Variants in FASLG observed in about 807,000 individuals in gnomAD.
The protein encoded by FASLG is Fas ligand.
FASLG carries 9 observed loss-of-function variants against 24.6 expected under a neutral mutation model. The ratio of observed to expected loss-of-function variants is 0.37; its 90% CI spans 0.22 to 0.64. FASLG has a LOEUF of 0.64. Among genes scored for constraint, FASLG ranks in the 30% least tolerant of loss-of-function variants. The pLI, the probability that FASLG is intolerant of heterozygous loss-of-function variation, is 0.64. For missense variants in FASLG, 306 were observed against 345.3 expected (o/e 0.89, Z 0.90); for synonymous variants, 130 against 135.5 (o/e 0.96, Z 0.28).
chr1:172,662,310 A>G (rs1397830242), intron 2 of FASLG, among the ~76,000 whole-genome samples: 1 of 152,130 alleles, frequency 6.6e-6, no homozygotes, highest in Non-Finnish European at 1.5e-5. Context: ...ACTATTATAG[A>G]TTATTTATAC....
chr1:172,665,517 G>A, intron 3 of FASLG, 105 bp from the exon 4 acceptor site: 1 of 1,315,416 alleles, frequency 7.6e-7, no homozygotes. Flanking sequence ...TGTCATTCTG[G>A]GTGAAACATT....
chr1:172,661,130 T>C (rs949122968), intron 2 of FASLG, among the ~76,000 whole-genome samples: 9 of 152,148 alleles, frequency 5.9e-5, no homozygotes, highest in African/African-American at 2.2e-4. Context: ...TGGTGCCTCA[T>C]GAAGGAGGGA....
intron 2 of FASLG, among the ~76,000 whole-genome samples, chr1:172,662,476 G>A (rs984809261): frequency 1.2e-4 from 18 of 152,298 alleles, no homozygotes; most frequent in Admixed American, 4.6e-4. Context: ...TTTTAGCAGG[G>A]GGAAGAAGCT....
In FASLG at chr1:172,660,011, G is replaced by A. The variant is rs1659103034; in HGVS notation, c.349-84G>A. On this transcript the variant is annotated intron_variant, in intron 1 of 3. Transcript: ENST00000367721. ...TGAGGTATTTGGATTCTCTTTCCAG[G>A]GCTTGGTTTATTTGACGATTCTGCC... is the stretch of plus-strand genomic sequence containing the variant. The A allele has an allele frequency of 4.3e-6, 6 of 1,408,100 alleles. No individual in the cohort carries two copies. The Admixed American group carries it at 7.4e-5, about 17-fold the overall frequency. 87.2% of individuals were successfully genotyped at this position (1,408,100 alleles called of 1,614,324 possible).
chr1:172,663,815 A>C (rs891705195), intron 2 of FASLG, among the ~76,000 whole-genome samples: 1 of 152,226 alleles, frequency 6.6e-6, no homozygotes, highest in African/African-American at 2.4e-5. Context: ...ACACGCAGAC[A>C]GATCAGTAGT....
At chr1:172,662,726 C>T (rs1373411614) in intron 2 of FASLG, among the ~76,000 whole-genome samples, 1 of 152,134 alleles carries the variant, frequency 6.6e-6, no homozygotes, top group African/African-American at 2.4e-5. Context: ...CTAGGATATC[C>T]TTGCAATTTA....
In FASLG at chr1:172,665,816, T is replaced by G; in HGVS notation, c.646T>G (p.Ser216Ala). The G allele has an allele frequency of 1.9e-6, 3 of 1,614,086 alleles. No homozygotes were observed. The highest frequency in any genetic ancestry group is 2.5e-6 in the Non-Finnish European group (3 of 1,179,998). Residue 216 changes from serine (S) to alanine (A), a missense_variant, in exon 4 of 4, where the codon TCT becomes GCT. By Grantham distance (99) the Ser-to-Ala change is moderately conservative. Transcript: ENST00000367721. The part of the protein sequence containing the change: ...PLSHKVYMRN[S>A]KYPQDLVMME... The stretch of plus-strand genomic sequence containing the variant: ...GAGCCACAAGGTCTACATGAGGAAC[T>G]CTAAGTATCCCCAGGATCTGGTGAT...
At position 172,659,374 on chromosome 1, in the gene FASLG, C is replaced by T. The variant is rs558758285; in HGVS notation, c.173C>T (p.Pro58Leu). 5.8e-5 allele frequency: 94 copies of T among 1,610,528 alleles called. No homozygotes were observed. The highest frequency in any genetic ancestry group is 4.5e-4 in the East Asian group (20 of 44,774). The change falls in exon 1 of 4, where the codon CCG (proline) becomes CTG (leucine). Residue 58 changes from proline to leucine, a missense_variant. By Grantham distance (98) the Pro-to-Leu change is moderately conservative (BLOSUM62 -3). Transcript: ENST00000367721. The stretch of plus-strand genomic sequence containing the variant: ...CCACCGCCACCACTACCACCTCCGC[C>T]GCCGCCGCCACCACTGCCTCCACTA... Reference protein sequence around the residue: ...PPPPPPLPPPPPPPPLPPLPL... With the variant: ...PPPPPPLPPPLPPPPLPPLPL...
At position 172,666,671 on chromosome 1, in the gene FASLG, T is replaced by C. The variant is rs1489302136; in HGVS notation, c.*655T>C. On this transcript the variant is annotated 3_prime_UTR_variant, in exon 4 of 4. Coordinates refer to ENST00000367721, the MANE Select transcript of FASLG (RefSeq NM_000639.3). ...TGTATGACTAAAGAGAGAATGTAGA[T>C]ATTGTGAAGTACATATTAGGAAAAT... 1 of 152,606 alleles carries C rather than the reference T, an allele frequency of 6.6e-6. No homozygotes were observed. Among genetic ancestry groups the C allele is most frequent in the Non-Finnish European group, 1.5e-5 (1 of 68,132 alleles). The allele number at this position is 152,606 out of a possible 1,614,324, so 9.5% of individuals were successfully genotyped here.
intron 1 of FASLG, 62 bp downstream of exon 1, chr1:172,659,611 A>G: frequency 6.3e-7 from 1 of 1,575,816 alleles, no homozygotes; most frequent in South Asian, 1.2e-5. Flanking sequence ...TGGAGGGCCC[A>G]CTGCCTGGCT....
chr1:172,660,192 A>G (rs763070697), intron 2 of FASLG, 52 bp downstream of exon 2: 1 of 1,557,756 alleles, frequency 6.4e-7, no homozygotes, highest in Non-Finnish European at 8.9e-7. Context: ...TCCTCAGCAC[A>G]GAACTATGTT....
intron 3 of FASLG, among the ~76,000 whole-genome samples, chr1:172,665,330 C>G (rs1264730149): frequency 6.6e-6 from 1 of 152,144 alleles, no homozygotes; most frequent in African/African-American, 2.4e-5. Flanking sequence ...GGTGCTAGTT[C>G]TGAAGATAGT....
At chr1:172,664,569 A>T in intron 3 of FASLG, among the ~76,000 whole-genome samples, 179 bp downstream of exon 3, 1 of 152,280 alleles carries the variant, frequency 6.6e-6, no homozygotes, top group Non-Finnish European at 1.5e-5. Context: ...TTGATCCCCT[A>T]TTCTCTGGGC....
chr1:172,664,877 TG>T (rs1201472738), intron 3 of FASLG, among the ~76,000 whole-genome samples: 1 of 152,210 alleles, frequency 6.6e-6, no homozygotes, highest in African/African-American at 2.4e-5. Flanking sequence ...TGATATGGTA[TG>T]GGCACTCCCA....
rs778993712 is a variant in FASLG at position 172,665,685 on chromosome 1, C to A, written c.515C>A (p.Ser172Tyr). 6.2e-7 allele frequency: 1 copy of A among 1,614,190 alleles called. No homozygotes were observed. The highest frequency in any genetic ancestry group is 1.1e-5 in the South Asian group (1 of 91,080). ...GACACCTATGGAATTGTCCTGCTTT[C>A]TGGAGTGAAGTATAAGAAGGGTGGC... ...WEDTYGIVLL[S>Y]GVKYKKGGLV... Residue 172 changes from serine (S) to tyrosine (Y), a missense_variant, in exon 4 of 4, where the codon TCT becomes TAT. Transcript: ENST00000367721.
intron 3 of FASLG, 146 bp downstream of exon 3, chr1:172,664,536 C>A (rs1447553801): frequency 1.2e-6 from 1 of 806,414 alleles, no homozygotes; most frequent in African/African-American, 1.7e-5. Flanking sequence ...CTTTTCTTGT[C>A]GAGTCAGTCT....
chr1:172,664,733 T>C (rs367620554), intron 3 of FASLG, among the ~76,000 whole-genome samples: 5 of 152,172 alleles, frequency 3.3e-5, no homozygotes, highest in East Asian at 3.9e-4. Flanking sequence ...TGAGGACTTA[T>C]TTTAGTCAGT....
chr1:172,660,118 A>G lies in FASLG; in HGVS notation c.372A>G (p.Ala124=). 3.1e-6 allele frequency: 5 copies of G among 1,614,186 alleles called. No individual in the cohort carries two copies. Among genetic ancestry groups the G allele is most frequent in the South Asian group, 1.1e-5 (1 of 91,086 alleles). The part of the protein sequence containing the change: ...LRESTSQMHT[A]SSLEKQIGHP... ...AGTCTACCAGCCAGATGCACACAGCATCATCTTTGGAGAAGCAAATAGGTG... is the reference window on the plus strand; with the variant it reads ...AGTCTACCAGCCAGATGCACACAGCGTCATCTTTGGAGAAGCAAATAGGTG... The change falls in exon 2 of 4, where the codon GCA becomes GCG. Residue 124 remains alanine, a synonymous_variant. Transcript: ENST00000367721.
Position 172,666,196 on chromosome 1 carries a change from G to A in FASLG, c.*180G>A, listed in dbSNP as rs1659260621. The A allele has an allele frequency of 1.5e-6, 1 of 664,534 alleles. No individual in the cohort carries two copies. Among genetic ancestry groups the A allele is most frequent in the Non-Finnish European group, 2.5e-6 (1 of 392,824 alleles). The allele number at this position is 664,534 out of a possible 1,614,324, so 41.2% of individuals were successfully genotyped here. A position where few individuals can be genotyped will look rare whatever the true frequency, so the allele number is the denominator to read the frequency against. On this transcript the variant is annotated 3_prime_UTR_variant, in exon 4 of 4. Coordinates refer to ENST00000367721, the MANE Select transcript of FASLG (RefSeq NM_000639.3). ...TCCTCAACTCACCTAATGTTTATGA[G>A]CCAGACAAATGGAGGAATATGACGG... is the stretch of plus-strand genomic sequence containing the variant.
Sources: gnomAD v4.1 joint callset for allele counts (sites outside exome capture counted in the v4.1 genomes callset) on GRCh38, gnomAD v4.1.1 for gene constraint, MANE v1.5 for transcripts, NCBI Gene and HGNC (gene_info 2026-07-23, HGNC 2026-07-21) for gene names.